The following AKAP9 variants were observed in gnomAD, a reference collection of about 807,000 sequenced individuals.
AKAP9 encodes A-kinase anchoring protein 9.
Under a neutral mutation model 488.5 loss-of-function variants are expected in AKAP9, and 311 were observed. The ratio of observed to expected loss-of-function variants is 0.64; its 90% CI spans 0.58 to 0.70. The LOEUF (loss-of-function observed/expected upper bound fraction) is 0.70. Ranked by LOEUF, AKAP9 falls within the 30% of genes least tolerant of loss-of-function variation. The pLI is 0.00. For synonymous variants in AKAP9, 1,462 were observed against 1,483.5 expected (o/e 0.99, Z 0.33); for missense variants, 4,215 against 4,374.5 (o/e 0.96, Z 1.03).
Position 92,079,375 on chromosome 7 carries a change from T to G in AKAP9, c.7242T>G (p.Asn2414Lys). Reference protein sequence around the residue: ...TANEEMTFMKNVLKETNFKMN... With the variant: ...TANEEMTFMKKVLKETNFKMN... Reference sequence around the variant, plus strand: ...ATGAAGAAATGACCTTCATGAAAAATGTACTTAAAGAAACCAATTTTAAAA... The same window carrying G: ...ATGAAGAAATGACCTTCATGAAAAAGGTACTTAAAGAAACCAATTTTAAAA... The change falls in exon 31 of 50, where the codon AAT becomes AAG. Residue 2414 changes from asparagine (N) to lysine (K), a missense_variant. Coordinates refer to ENST00000356239, the MANE Select transcript of AKAP9 (RefSeq NM_005751.5). The G allele has an allele frequency of 6.2e-7, 1 of 1,613,930 alleles. No homozygotes were observed. The highest frequency in any genetic ancestry group is 8.5e-7 in the Non-Finnish European group (1 of 1,179,950).
Position 92,098,031 on chromosome 7 carries a change from G to A in AKAP9, c.10608-78G>A, listed in dbSNP as rs116574095. On this transcript the variant is annotated intron_variant, in intron 42 of 49. Coordinates refer to ENST00000356239, the MANE Select transcript of AKAP9 (RefSeq NM_005751.5). The stretch of plus-strand genomic sequence containing the variant: ...GAAGTGATAGGTGAAGTAGAACGTC[G>A]CCTGCTCTGTAATGTTTGTGGTAGT... 4.5e-4 allele frequency: 444 copies of A among 983,332 alleles called. 2 individuals carry two copies. In the African/African-American group the frequency reaches 6.3e-3, roughly 14 times the overall value. The allele number at this position is 983,332 out of a possible 1,614,324, so 60.9% of individuals were successfully genotyped here.
Position 92,045,118 on chromosome 7 carries a change from A to G in AKAP9, c.5273A>G (p.Asp1758Gly). The G allele has an allele frequency of 6.2e-7, 1 of 1,613,842 alleles. No homozygotes were observed. The highest frequency in any genetic ancestry group is 8.5e-7 in the Non-Finnish European group (1 of 1,179,944). ...TIGRHVLGIL[D>G]RSSKSQSSAS... ...GGTCGCCATGTCCTTGGGATTCTAG[A>G]TAGATCTAGTAAAAGCCAGTCATCT... The change falls in exon 21 of 50, where the codon GAT becomes GGT. Residue 1758 changes from aspartate to glycine, a missense_variant. Asp to Gly is a moderately conservative substitution (Grantham distance 94). Coordinates refer to ENST00000356239, the MANE Select transcript of AKAP9 (RefSeq NM_005751.5).
intron 1 of AKAP9, among the ~76,000 whole-genome samples, chr7:91,962,000 A>G (rs1214449775): frequency 6.6e-6 from 1 of 151,802 alleles, no homozygotes; most frequent in African/African-American, 2.4e-5. Flanking sequence ...TCTTGCAACT[A>G]TTTCTGTGAC....
chr7:92,098,812 CTT>C (rs1377614714), intron 43 of AKAP9, among the ~76,000 whole-genome samples: 5 of 152,208 alleles, frequency 3.3e-5, no homozygotes, highest in African/African-American at 1.2e-4. Context: ...ATATTGAACA[CTT>C]ATTCTGTGCC....
At chr7:92,035,710 C>G (rs1805082032) in intron 16 of AKAP9, among the ~76,000 whole-genome samples, 1 of 152,192 alleles carries the variant, frequency 6.6e-6, no homozygotes. Flanking sequence ...GTTTTGACTT[C>G]CCTCTGCAGT....
rs748305791 is a variant in AKAP9 at position 92,016,278 on chromosome 7, C to G, written c.3751+11C>G. On this transcript the variant is annotated intron_variant, in intron 11 of 49. Transcript: ENST00000356239. ...GATATGAAGTTCAAGGTAATAAAAG[C>G]TTACCATACTATTAAACAGTATTTA... 1 of 1,488,806 alleles carries G rather than the reference C, an allele frequency of 6.7e-7. No homozygotes were observed. The highest frequency in any genetic ancestry group is 1.1e-5 in the South Asian group (1 of 87,130). The allele number at this position is 1,488,806 out of a possible 1,614,324, so 92.2% of individuals were successfully genotyped here.
chr7:92,001,944 A>G lies in AKAP9; in HGVS notation c.2027A>G (p.Gln676Arg), dbSNP rs1462928121. The G allele has an allele frequency of 7.4e-6, 12 of 1,612,948 alleles. No homozygotes were observed. Among genetic ancestry groups the G allele is most frequent in the Non-Finnish European group, 1.0e-5 (12 of 1,179,600 alleles). Residue 676 changes from glutamine to arginine, a missense_variant, in exon 8 of 50, where the codon CAA (glutamine) becomes CGA (arginine). By Grantham distance (43) the Gln-to-Arg change is conservative. This residue lies in a region of AKAP9 where 2,361 missense variants were observed against 2,430.0 expected (regional missense o/e 0.97). Coordinates refer to ENST00000356239, the MANE Select transcript of AKAP9 (RefSeq NM_005751.5). ...GATGGTTTACAGAATGAAATGAGTCAAAAGATAGAAACCATGCAGTTTGAA... is the reference window on the plus strand; with the variant it reads ...GATGGTTTACAGAATGAAATGAGTCGAAAGATAGAAACCATGCAGTTTGAA... ...QIDGLQNEMS[Q>R]KIETMQFEKD...
At chr7:92,050,049 T>C (rs1323009333) in intron 21 of AKAP9, among the ~76,000 whole-genome samples, 1 of 151,106 alleles carries the variant, frequency 6.6e-6, no homozygotes, top group African/African-American at 2.4e-5. Context: ...CTGCTCAAGG[T>C]AAATTTCAGC....
intron 46 of AKAP9, 68 bp from the exon 47 acceptor site, chr7:92,105,610 A>AT: frequency 8.6e-7 from 1 of 1,159,654 alleles, no homozygotes; most frequent in East Asian, 2.3e-5. Context: ...GTGTGATGTG[A>AT]TTTTTGTAGG....
At chr7:92,059,590 T>C (rs967204881) in intron 22 of AKAP9, among the ~76,000 whole-genome samples, 1 of 151,884 alleles carries the variant, frequency 6.6e-6, no homozygotes, top group African/African-American at 2.4e-5. Context: ...AGCATTTATT[T>C]TGTTGTAAAT....
chr7:91,971,964 CTT>C (rs35071949), intron 1 of AKAP9, among the ~76,000 whole-genome samples: 53,876 of 131,502 alleles, frequency 0.41, 10,772 homozygotes, highest in African/African-American at 0.48. Context: ...CTCATAGAGT[CTT>C]TTATGTTTTG....
intron 40 of AKAP9, 127 bp from the exon 41 acceptor site, chr7:92,096,562 C>G: frequency 1.9e-6 from 2 of 1,048,026 alleles, no homozygotes; most frequent in Non-Finnish European, 2.8e-6. Context: ...GGCTTGAACT[C>G]TTGACCTCAG....
intron 39 of AKAP9, 27 bp from the exon 40 acceptor site, chr7:92,094,996 G>A: frequency 1.2e-6 from 2 of 1,611,338 alleles, no homozygotes; most frequent in Non-Finnish European, 8.5e-7. Context: ...ATAGCTTTAT[G>A]GAAATTCATT....
chr7:91,970,481 ACT>A (rs1179525306), intron 1 of AKAP9: 1 of 456,464 alleles, frequency 2.2e-6, no homozygotes, highest in Admixed American at 2.4e-5. Context: ...AGATTGAAGA[ACT>A]CTCTTTAGCT....
At chr7:91,954,112 T>C (rs922072796) in intron 1 of AKAP9, among the ~76,000 whole-genome samples, 1 of 152,116 alleles carries the variant, frequency 6.6e-6, no homozygotes, top group Non-Finnish European at 1.5e-5. Context: ...TGAAAAGCCA[T>C]TGGAAACTGG....
intron 31 of AKAP9, among the ~76,000 whole-genome samples, chr7:92,082,094 C>T (rs1813685034): frequency 6.6e-6 from 1 of 152,050 alleles, no homozygotes; most frequent in Non-Finnish European, 1.5e-5. Flanking sequence ...ACCACAACAC[C>T]TGGCTAATTT....
intron 3 of AKAP9, among the ~76,000 whole-genome samples, chr7:91,981,145 A>G (rs557778759): frequency 2.8e-4 from 43 of 152,358 alleles, no homozygotes; most frequent in Non-Finnish European, 5.4e-4. Context: ...TTAAATAAAC[A>G]CATTGGTGCC....
chr7:91,968,621 C>T (rs1794702611), intron 1 of AKAP9, among the ~76,000 whole-genome samples: 1 of 151,930 alleles, frequency 6.6e-6, no homozygotes. Flanking sequence ...TTGTTATTTC[C>T]TTTCTTCTAC....
chr7:91,992,796 TG>T, intron 4 of AKAP9, 88 bp from the exon 5 acceptor site: 1 of 1,257,424 alleles, frequency 8.0e-7, no homozygotes, highest in Non-Finnish European at 1.1e-6. Flanking sequence ...TGTTTTAAAG[TG>T]GACCTTGCTA....
Sources: allele counts gnomAD v4.1 joint callset (sites outside exome capture counted in the v4.1 genomes callset), GRCh38; gene constraint gnomAD v4.1.1; regional missense constraint gnomAD v4.1.1; transcripts MANE v1.5; gene names NCBI Gene and HGNC (gene_info 2026-07-23, HGNC 2026-07-21).